Variants in NALF1 observed in about 807,000 individuals in gnomAD.
NALF1 encodes the protein NALCN channel auxiliary factor 1.
NALF1 carries 3 observed loss-of-function variants against 48.4 expected under a neutral mutation model. The ratio of observed to expected loss-of-function variants is 0.06; its 90% CI spans 0.03 to 0.16. NALF1 has a LOEUF of 0.16. Among genes scored for constraint, NALF1 ranks in the 10% least tolerant of loss-of-function variants. The pLI is 1.00. For synonymous variants in NALF1, 262 were observed against 245.7 expected (o/e 1.07, Z -0.62); for missense variants, 526 against 571.5 (o/e 0.92, Z 0.81).
intron 1 of NALF1, among the ~76,000 whole-genome samples, chr13:107,535,433 CAG>C (rs1876773767): frequency 6.6e-6 from 1 of 151,876 alleles, no homozygotes; most frequent in Non-Finnish European, 1.5e-5. Context: ...ACACCAATAA[CAG>C]ACAAACAGAG....
At chr13:107,340,495 T>C (rs906398863) in intron 1 of NALF1, among the ~76,000 whole-genome samples, 6 of 138,434 alleles carry the variant, frequency 4.3e-5, no homozygotes, top group South Asian at 2.2e-4. Flanking sequence ...CTTTTTGTCT[T>C]TCTTTCTTTC....
chr13:107,835,358 C>T (rs1452407735), intron 1 of NALF1: 1 of 152,152 alleles, frequency 6.6e-6, no homozygotes, highest in South Asian at 2.1e-4. Context: ...TCTCTTGGCT[C>T]CTAACTCTCA....
intron 1 of NALF1, among the ~76,000 whole-genome samples, chr13:107,725,440 G>A (rs1388218502): frequency 6.6e-6 from 1 of 152,222 alleles, no homozygotes; most frequent in African/African-American, 2.4e-5. Flanking sequence ...GGGCGCAGTG[G>A]CTCACACCTG....
chr13:107,599,236 C>T (rs751717459), intron 1 of NALF1, among the ~76,000 whole-genome samples: 9 of 151,924 alleles, frequency 5.9e-5, no homozygotes, highest in African/African-American at 1.5e-4. Flanking sequence ...CTGGCTAACA[C>T]GGTGAAACCC....
intron 1 of NALF1, among the ~76,000 whole-genome samples, chr13:107,680,697 T>A (rs1881273620): frequency 6.6e-6 from 1 of 151,990 alleles, no homozygotes; most frequent in Admixed American, 6.6e-5. Flanking sequence ...TGTGTGTGTG[T>A]CCATGAGAAA....
At chr13:107,621,138 A>G (rs1025353992) in intron 1 of NALF1, among the ~76,000 whole-genome samples, 3 of 152,286 alleles carry the variant, frequency 2.0e-5, no homozygotes, top group Admixed American at 6.5e-5. Context: ...TAGTAGTTAC[A>G]TTCTGACTGT....
At chr13:107,245,014 T>G (rs193260188) in intron 1 of NALF1, among the ~76,000 whole-genome samples, 22 of 152,302 alleles carry the variant, frequency 1.4e-4, no homozygotes, top group Middle Eastern at 6.8e-3. Context: ...TTTTTCAATT[T>G]AACACTAACT....
At position 107,866,210 on chromosome 13, in the gene NALF1, G is replaced by T. The variant is rs986979283; in HGVS notation, c.387C>A (p.Pro129=). 3.1e-6 allele frequency: 5 copies of T among 1,599,002 alleles called. No homozygotes were observed. The East Asian group carries it at 1.1e-4, about 36-fold the overall frequency. The change falls in exon 1 of 3, where the codon CCC becomes CCA. Residue 129 remains proline (P), a synonymous_variant. Transcript: ENST00000375915. The surrounding 1 kb of genome is among the most constrained non-coding windows in gnomAD (Gnocchi z 4.4). ...AHRLLSASSS[P]TLPPSPGDGG... ...CGTCTCCCGGGGAGGGGGGCAGGGT[G>T]GGGGACGAGGAGGCGGAGAGGAGTC...
At chr13:107,489,308 T>A (rs976311583) in intron 1 of NALF1, among the ~76,000 whole-genome samples, 2 of 152,002 alleles carry the variant, frequency 1.3e-5, no homozygotes, top group Non-Finnish European at 2.9e-5. Flanking sequence ...ACCAAAAAAG[T>A]GCCTGAATAG....
At chr13:107,619,629 CATCA>C (rs1566417889) in intron 1 of NALF1, among the ~76,000 whole-genome samples, 1 of 152,110 alleles carries the variant, frequency 6.6e-6, no homozygotes, top group East Asian at 1.9e-4. Flanking sequence ...CTGTAAAAAG[CATCA>C]ATCATCTAAC....
chr13:107,246,002 T>C (rs1188132121), intron 1 of NALF1, among the ~76,000 whole-genome samples: 1 of 152,122 alleles, frequency 6.6e-6, no homozygotes. Flanking sequence ...TCAACTCATC[T>C]TGTCATCTCT....
At chr13:107,855,935 T>C (rs56844831) in intron 1 of NALF1, among the ~76,000 whole-genome samples, 11,891 of 152,046 alleles carry the variant, frequency 0.078, 738 homozygotes, top group East Asian at 0.23. Context: ...TCAGACAGGT[T>C]GTTGCCCTAT....
chr13:107,464,815 C>A (rs148602649), intron 1 of NALF1, among the ~76,000 whole-genome samples: 1 of 152,080 alleles, frequency 6.6e-6, no homozygotes, highest in African/African-American at 2.4e-5. Context: ...CCACCACACC[C>A]GGCGGCAATA....
chr13:107,248,056 G>A (rs1459067632), intron 1 of NALF1, among the ~76,000 whole-genome samples: 1 of 152,014 alleles, frequency 6.6e-6, no homozygotes, highest in Non-Finnish European at 1.5e-5. Flanking sequence ...GGGAAAGAAA[G>A]GTGTCCTACC....
intron 1 of NALF1, among the ~76,000 whole-genome samples, chr13:107,809,942 A>C (rs1878936143): frequency 6.6e-6 from 1 of 151,922 alleles, no homozygotes; most frequent in Non-Finnish European, 1.5e-5. Flanking sequence ...TAATCTTATC[A>C]TGTCTCTCAT....
At chr13:107,415,372 G>A (rs1412126376) in intron 1 of NALF1, among the ~76,000 whole-genome samples, 1 of 151,216 alleles carries the variant, frequency 6.6e-6, no homozygotes, top group Non-Finnish European at 1.5e-5. Flanking sequence ...AGGGCCATAA[G>A]GAGAGAGTTT....
At chr13:107,429,406 T>C (rs1422922815) in intron 1 of NALF1, among the ~76,000 whole-genome samples, 1 of 152,042 alleles carries the variant, frequency 6.6e-6, no homozygotes, top group Non-Finnish European at 1.5e-5. Context: ...TTAATATTAT[T>C]TGTAGGGAAA....
At chr13:107,320,947 A>G in intron 1 of NALF1, 1 of 186,714 alleles carries the variant, frequency 5.4e-6, no homozygotes, top group East Asian at 1.2e-4. Context: ...GGCAGTATTC[A>G]ACTCATCACT....
chr13:107,241,979 G>C (rs1194352258), intron 1 of NALF1, among the ~76,000 whole-genome samples: 1 of 152,080 alleles, frequency 6.6e-6, no homozygotes, highest in East Asian at 1.9e-4. Flanking sequence ...ACTTGGGAGG[G>C]CCTGCTGACT....
Sources: gnomAD v4.1 joint callset for allele counts (sites outside exome capture counted in the v4.1 genomes callset) on GRCh38, gnomAD v4.1.1 for gene constraint, Gnocchi (gnomAD v3.1) non-coding constraint, MANE v1.5 for transcripts, NCBI Gene and HGNC (gene_info 2026-07-23, HGNC 2026-07-21) for gene names.